Variants in SLC35F3 observed in about 807,000 individuals in gnomAD.
The protein encoded by SLC35F3 is putative thiamine transporter SLC35F3.
SLC35F3 carries 25 observed loss-of-function variants against 49.9 expected under a neutral mutation model. The observed-to-expected ratio is 0.50, with a 90% CI of 0.37 to 0.70. The LOEUF (loss-of-function observed/expected upper bound fraction) is 0.70, where lower values mean the gene tolerates loss of function less well. SLC35F3 is among the 30% of genes least tolerant of loss of function. SLC35F3 has a pLI of 0.00. For missense variants in SLC35F3, 525 were observed against 639.8 expected (o/e 0.82, Z 1.94); for synonymous variants, 275 against 265.4 (o/e 1.04, Z -0.35).
intron 4 of SLC35F3, among the ~76,000 whole-genome samples, chr1:234,313,911 A>G (rs1400443932): frequency 6.6e-6 from 1 of 152,254 alleles, no homozygotes; most frequent in Non-Finnish European, 1.5e-5. Flanking sequence ...CAGGAATTCC[A>G]GGCATCAGGA....
At chr1:234,034,449 TC>T (rs1180272304) in intron 2 of SLC35F3, among the ~76,000 whole-genome samples, 6 of 152,238 alleles carry the variant, frequency 3.9e-5, no homozygotes, top group Non-Finnish European at 7.3e-5. Flanking sequence ...TTCCAACTTT[TC>T]CCCATTCAGT....
chr1:233,974,730 C>T (rs931976106), intron 2 of SLC35F3, among the ~76,000 whole-genome samples: 7 of 152,148 alleles, frequency 4.6e-5, no homozygotes, highest in Admixed American at 6.5e-5. Flanking sequence ...ATGTACTAAA[C>T]GTGCAGCAAA....
chr1:234,021,553 A>G (rs887263209), intron 2 of SLC35F3, among the ~76,000 whole-genome samples: 1 of 152,220 alleles, frequency 6.6e-6, no homozygotes, highest in East Asian at 1.9e-4. Flanking sequence ...ATCAGGCCTG[A>G]TTGTATTAAT....
chr1:233,992,951 C>T (rs1241371298), intron 2 of SLC35F3, among the ~76,000 whole-genome samples: 3 of 152,036 alleles, frequency 2.0e-5, no homozygotes, highest in African/African-American at 7.3e-5. Context: ...AAAATCATCT[C>T]CCACAAATGC....
chr1:233,979,040 T>TA (rs112116771), intron 2 of SLC35F3, among the ~76,000 whole-genome samples: 1,534 of 101,772 alleles, frequency 0.015, 15 homozygotes, highest in African/African-American at 0.041. Context: ...CGTTTCCAAT[T>TA]AAAAAAAAAA....
intron 3 of SLC35F3, among the ~76,000 whole-genome samples, chr1:234,240,551 G>T (rs1667537347): frequency 6.6e-6 from 1 of 151,942 alleles, no homozygotes; most frequent in Non-Finnish European, 1.5e-5. Flanking sequence ...GTTGCAGTGA[G>T]CCAAGATCAT....
At chr1:234,247,046 G>C (rs1461121542) in intron 3 of SLC35F3, among the ~76,000 whole-genome samples, 2 of 152,186 alleles carry the variant, frequency 1.3e-5, no homozygotes, top group East Asian at 3.8e-4. Context: ...AGTTCATGGG[G>C]CTGGAAACCT....
intron 2 of SLC35F3, among the ~76,000 whole-genome samples, chr1:233,989,495 C>T (rs1663320065): frequency 6.6e-6 from 1 of 151,996 alleles, no homozygotes; most frequent in South Asian, 2.1e-4. Context: ...AAATATTACA[C>T]ACAAAGAAAC....
At chr1:234,185,742 A>G (rs1195772021) in intron 2 of SLC35F3, among the ~76,000 whole-genome samples, 7 of 152,234 alleles carry the variant, frequency 4.6e-5, no homozygotes, top group Non-Finnish European at 5.9e-5. Flanking sequence ...TTCTGAAGAT[A>G]TTCAGTGCTG....
intron 2 of SLC35F3, among the ~76,000 whole-genome samples, chr1:233,988,922 T>C (rs1480459587): frequency 6.6e-6 from 1 of 152,172 alleles, no homozygotes; most frequent in Non-Finnish European, 1.5e-5. Flanking sequence ...CAGATCATGG[T>C]GGTGGAAAGC....
intron 2 of SLC35F3, among the ~76,000 whole-genome samples, chr1:233,998,998 G>A (rs1663506824): frequency 6.6e-6 from 1 of 152,178 alleles, no homozygotes; most frequent in African/African-American, 2.4e-5. Flanking sequence ...GGGTAATTAT[G>A]CAAAGCCCTT....
At chr1:234,056,354 G>A (rs1051725095) in intron 2 of SLC35F3, among the ~76,000 whole-genome samples, 2 of 151,954 alleles carry the variant, frequency 1.3e-5, no homozygotes, top group African/African-American at 4.8e-5. Context: ...CTTGAAACAT[G>A]TTTTTAATAG....
At chr1:234,316,899 G>C (rs1448582157) in intron 5 of SLC35F3, among the ~76,000 whole-genome samples, 172 bp downstream of exon 5, 2 of 152,238 alleles carry the variant, frequency 1.3e-5, no homozygotes, top group African/African-American at 4.8e-5. Flanking sequence ...AGAGACTTCA[G>C]TCAAGGGCAA....
chr1:234,057,887 A>G (rs1255991665), intron 2 of SLC35F3, among the ~76,000 whole-genome samples: 1 of 152,044 alleles, frequency 6.6e-6, no homozygotes, highest in Non-Finnish European at 1.5e-5. Context: ...TGTGTTTTTT[A>G]GTAGAGATGG....
chr1:234,220,143 G>T (rs1667181612), intron 2 of SLC35F3, among the ~76,000 whole-genome samples: 1 of 150,498 alleles, frequency 6.6e-6, no homozygotes, highest in South Asian at 2.1e-4. Flanking sequence ...ACGGTCATGG[G>T]CAGCAGTGGT....
intron 2 of SLC35F3, among the ~76,000 whole-genome samples, chr1:234,200,053 C>G (rs548681608): frequency 1.3e-5 from 2 of 152,274 alleles, no homozygotes; most frequent in East Asian, 3.9e-4. Flanking sequence ...AAATTAATAT[C>G]ACCATTTCAG....
chr1:234,169,260 T>C (rs7553499), intron 2 of SLC35F3, among the ~76,000 whole-genome samples: 19,155 of 152,200 alleles, frequency 0.13, 3,976 homozygotes, highest in African/African-American at 0.43. Context: ...ATGCTCATCT[T>C]TTCCAGAAAC....
At chr1:234,225,210 A>C (rs1224037841) in intron 2 of SLC35F3, among the ~76,000 whole-genome samples, 1 of 152,218 alleles carries the variant, frequency 6.6e-6, no homozygotes. Context: ...ACTGCCTAAA[A>C]ATAATGTCAC....
intron 2 of SLC35F3, among the ~76,000 whole-genome samples, chr1:234,065,726 A>G (rs1558219396): frequency 6.6e-6 from 1 of 152,246 alleles, no homozygotes; most frequent in Non-Finnish European, 1.5e-5. Flanking sequence ...TTGGTTGACT[A>G]CACCTTAACC....
Sources: allele counts gnomAD v4.1 joint callset (sites outside exome capture counted in the v4.1 genomes callset), GRCh38; gene constraint gnomAD v4.1.1; transcripts MANE v1.5; gene names NCBI Gene and HGNC (gene_info 2026-07-23, HGNC 2026-07-21).